Variants in CCL26 observed in about 807,000 individuals in gnomAD.
CCL26 encodes C-C motif chemokine 26.
In CCL26, 10 loss-of-function variants were observed where a neutral mutation model predicts 10.7. The observed-to-expected ratio is 0.93, with a 90% CI of 0.57 to 1.58. CCL26 has a LOEUF of 1.58. Among genes scored for constraint, CCL26 ranks in the 40% most tolerant of loss-of-function variants. CCL26 has a pLI of 0.00. For synonymous variants in CCL26, 43 were observed against 41.4 expected (o/e 1.04, Z -0.15); for missense variants, 116 against 111.0 (o/e 1.05, Z -0.20).
chr7:75,788,368 AC>A (rs1402676257), intron 1 of CCL26, among the ~76,000 whole-genome samples: 19 of 151,188 alleles, frequency 1.3e-4, no homozygotes, highest in African/African-American at 4.6e-4. Flanking sequence ...TGTGTCCCTC[AC>A]CCCTGCCCGC....
In CCL26 at chr7:75,772,149, C is replaced by A; in HGVS notation, c.28G>T (p.Val10Leu). Residue 10 changes from valine (V) to leucine (L), a missense_variant, in exon 1 of 3, where the codon GTG (valine) becomes TTG (leucine). Transcript: ENST00000005180. MMGLSLASA[V>L]LLASLLSLHL... ...AGACTCAGGAGGGAGGCCAGGAGCA[C>A]AGCAGAGGCCAAGGAGAGGCCCATC... 6.4e-7 allele frequency: 1 copy of A among 1,554,658 alleles called. No homozygotes were observed. Among genetic ancestry groups the A allele is most frequent in the African/African-American group, 1.4e-5 (1 of 73,266 alleles).
intron 1 of CCL26, among the ~76,000 whole-genome samples, chr7:75,781,987 C>T (rs1554529508): frequency 1.3e-5 from 2 of 152,156 alleles, no homozygotes; most frequent in African/African-American, 4.8e-5. Context: ...GACCAGTCCC[C>T]TGTCCTCACC....
At chr7:75,774,658 C>T (rs932687846), upstream of CCL26, among the ~76,000 whole-genome samples, 1 of 152,070 alleles carries the variant, frequency 6.6e-6, no homozygotes, top group African/African-American at 2.4e-5. Context: ...GTTGCCCAGG[C>T]TGGTCTCGAA....
chr7:75,780,959 G>A (rs1022929269), intron 1 of CCL26, among the ~76,000 whole-genome samples: 7 of 152,076 alleles, frequency 4.6e-5, no homozygotes, highest in South Asian at 2.1e-4. Flanking sequence ...AAAAGGTGGC[G>A]GGAGCTAAAG....
At position 75,788,650 on chromosome 7, in the gene CCL26, C is replaced by T. The variant is rs369934089; in HGVS notation, c.-79+1067G>A. ...GCTACTCAGGAGAATCCCTTGAACTCGGGAGGTGGAGATTGCAGTGAGCCA... is the reference window on the plus strand; with the variant it reads ...GCTACTCAGGAGAATCCCTTGAACTTGGGAGGTGGAGATTGCAGTGAGCCA... On this transcript the variant is annotated intron_variant, in intron 1 of 3. Transcript: ENST00000394905. Among the ~76,000 whole-genome samples the T allele has an allele frequency of 1.3e-4, 19 of 150,724 alleles. No individual in the cohort carries two copies. In the South Asian group the frequency reaches 3.4e-3, roughly 27 times the overall value.
At chr7:75,785,429 A>G (rs1803162691) in intron 1 of CCL26, among the ~76,000 whole-genome samples, 1 of 152,162 alleles carries the variant, frequency 6.6e-6, no homozygotes, top group Non-Finnish European at 1.5e-5. Flanking sequence ...TCTCAACAAG[A>G]CACTCTCCTG....
upstream of CCL26, among the ~76,000 whole-genome samples, chr7:75,772,669 C>A (rs1240696570): frequency 1.0e-4 from 14 of 138,988 alleles, no homozygotes; most frequent in Non-Finnish European, 1.3e-4. Context: ...AAAAAAAAAA[C>A]AAACAAACAA....
intron 2 of CCL26, 60 bp downstream of exon 2, chr7:75,771,829 A>G: frequency 9.5e-7 from 1 of 1,050,208 alleles, no homozygotes; most frequent in South Asian, 1.3e-5. Context: ...GGGTCTGCCC[A>G]GCACCCATCC....
chr7:75,786,336 G>C (rs1415623846), intron 1 of CCL26, among the ~76,000 whole-genome samples: 1 of 152,152 alleles, frequency 6.6e-6, no homozygotes, highest in Non-Finnish European at 1.5e-5. Context: ...GGCAGGCTAT[G>C]CTATAGTATC....
upstream of CCL26, among the ~76,000 whole-genome samples, chr7:75,791,258 C>G (rs892283503): frequency 6.6e-6 from 1 of 152,074 alleles, no homozygotes; most frequent in Non-Finnish European, 1.5e-5. Flanking sequence ...AACTCCTGGC[C>G]TCGTGATCCA....
intron 1 of CCL26, among the ~76,000 whole-genome samples, chr7:75,780,729 G>C (rs545858383): frequency 1.3e-5 from 2 of 151,878 alleles, no homozygotes. Flanking sequence ...AACCCCAAGC[G>C]TCTCTGAGTC....
chr7:75,782,928 C>A (rs1427092204), intron 1 of CCL26, among the ~76,000 whole-genome samples: 1 of 152,074 alleles, frequency 6.6e-6, no homozygotes, highest in African/African-American at 2.4e-5. Flanking sequence ...CCCCTTTTCT[C>A]CAGGCTGCTC....
intron 1 of CCL26, among the ~76,000 whole-genome samples, chr7:75,782,356 T>A (rs1803084022): frequency 6.6e-6 from 1 of 151,790 alleles, no homozygotes; most frequent in Non-Finnish European, 1.5e-5. Flanking sequence ...GATCTCTGCG[T>A]GGACGCCTGC....
At chr7:75,783,232 C>T (rs1803105165) in intron 1 of CCL26, among the ~76,000 whole-genome samples, 1 of 152,192 alleles carries the variant, frequency 6.6e-6, no homozygotes, top group African/African-American at 2.4e-5. Context: ...CTCTGTCCTA[C>T]AATTTAACCT....
At chr7:75,785,850 G>C (rs998218658) in intron 1 of CCL26, among the ~76,000 whole-genome samples, 10 of 152,144 alleles carry the variant, frequency 6.6e-5, no homozygotes, top group Non-Finnish European at 1.3e-4. Context: ...GGGCTGTGCA[G>C]TTGGAATTCT....
chr7:75,781,846 G>T (rs113088816), intron 1 of CCL26, among the ~76,000 whole-genome samples: 41,534 of 151,648 alleles, frequency 0.27, 6,001 homozygotes, highest in African/African-American at 0.36. Flanking sequence ...TCCTTTTTCG[G>T]ACTCAGCCCA....
At chr7:75,770,377 T>C (rs562645321) in intron 2 of CCL26, among the ~76,000 whole-genome samples, 103 of 151,206 alleles carry the variant, frequency 6.8e-4, no homozygotes, top group African/African-American at 2.4e-3. Flanking sequence ...GCCTTTATTT[T>C]GTTTTATTTT....
In CCL26 at chr7:75,780,884, C is replaced by T. The variant is rs925717105; in HGVS notation, c.-78-8630G>A. Among the ~76,000 whole-genome samples the T allele has an allele frequency of 4.6e-5, 7 of 152,172 alleles. No homozygotes were observed. The East Asian group carries it at 1.3e-3, about 29-fold the overall frequency. On this transcript the variant is annotated intron_variant, in intron 1 of 3. Transcript: ENST00000394905. ...CTTTTATCACCTCACCTCCTCACAC[C>T]CCGTCCGGCTTACAGTTTCGTTCCA...
upstream of CCL26, among the ~76,000 whole-genome samples, chr7:75,775,288 T>A (rs1052852742): frequency 2.0e-5 from 3 of 152,196 alleles, no homozygotes; most frequent in Non-Finnish European, 2.9e-5. Flanking sequence ...ATTGACCCTG[T>A]TCTTTACAAA....
Sources: allele counts gnomAD v4.1 joint callset (sites outside exome capture counted in the v4.1 genomes callset), GRCh38; gene constraint gnomAD v4.1.1; transcripts MANE v1.5; gene names NCBI Gene and HGNC (gene_info 2026-07-23, HGNC 2026-07-21).